Variants in NEMP2 observed in about 807,000 individuals in gnomAD.
NEMP2 encodes the protein UPF0571 transmembrane protein.
A neutral mutation model predicts 54.2 loss-of-function variants in NEMP2; 53 were observed. That is an observed-to-expected ratio of 0.98 (90% confidence interval 0.78 to 1.23). The LOEUF (loss-of-function observed/expected upper bound fraction) is 1.23. NEMP2 is among the 50% of genes most tolerant of loss of function. The pLI is 0.00. For synonymous variants in NEMP2, 197 were observed against 190.3 expected (o/e 1.04, Z -0.29); for missense variants, 455 against 511.3 (o/e 0.89, Z 1.06).
downstream of NEMP2, chr2:190,500,667 T>G (rs958181895): frequency 3.2e-5 from 5 of 154,320 alleles, no homozygotes; most frequent in African/African-American, 1.2e-4. This position sits in a 1 kb window ranked among gnomAD's most constrained non-coding sequence, Gnocchi z 5.3. Flanking sequence ...ACTTTCTTTT[T>G]TCTTGGAGAG....
chr2:190,460,963 A>G, the NEMP2 span, among the ~76,000 whole-genome samples: 1 of 152,198 alleles, frequency 6.6e-6, no homozygotes, highest in Non-Finnish European at 1.5e-5. Flanking sequence ...GAAGCAAACA[A>G]GCACTCTTGT....
chr2:190,500,753 A>G (rs1356027722), downstream of NEMP2: 1 of 152,848 alleles, frequency 6.5e-6, no homozygotes, highest in African/African-American at 2.4e-5. The surrounding 1 kb of genome is among the most constrained non-coding windows in gnomAD (Gnocchi z 5.3). Flanking sequence ...GTTAAAAATA[A>G]AGTTAAAAGT....
chr2:190,481,892 T>C, the NEMP2 span, among the ~76,000 whole-genome samples: 2 of 152,216 alleles, frequency 1.3e-5, no homozygotes, highest in Non-Finnish European at 2.9e-5. Context: ...GTGGAAGGTG[T>C]ATTGCTGTTA....
chr2:190,603,396 G>A, the NEMP2 span, among the ~76,000 whole-genome samples: 1 of 151,808 alleles, frequency 6.6e-6, no homozygotes, highest in Non-Finnish European at 1.5e-5. Flanking sequence ...GGTTGCAAAT[G>A]GGTCAAGGCC....
the NEMP2 span, among the ~76,000 whole-genome samples, chr2:190,432,376 C>A: frequency 6.6e-6 from 1 of 152,176 alleles, no homozygotes; most frequent in African/African-American, 2.4e-5. Context: ...GTTTACAACT[C>A]TGCTTGGTGC....
chr2:190,450,631 T>C, the NEMP2 span, among the ~76,000 whole-genome samples: 3 of 151,288 alleles, frequency 2.0e-5, no homozygotes, highest in African/African-American at 7.3e-5. Context: ...TAGCACAGAC[T>C]ACAGGCATGT....
At chr2:190,470,559 C>G in the NEMP2 span, among the ~76,000 whole-genome samples, 1 of 152,204 alleles carries the variant, frequency 6.6e-6, no homozygotes. Context: ...AATAAAGGTT[C>G]AGGACAAGAT....
chr2:190,467,115 T>G, the NEMP2 span, among the ~76,000 whole-genome samples: 1 of 152,184 alleles, frequency 6.6e-6, no homozygotes, highest in Non-Finnish European at 1.5e-5. The surrounding 1 kb of genome is among the most constrained non-coding windows in gnomAD (Gnocchi z 5.5). Context: ...TTACCAACAT[T>G]GTTTTATGAT....
chr2:190,467,054 G>C, the NEMP2 span, among the ~76,000 whole-genome samples: 2 of 152,220 alleles, frequency 1.3e-5, no homozygotes, highest in Admixed American at 6.5e-5. This position sits in a 1 kb window ranked among gnomAD's most constrained non-coding sequence, Gnocchi z 5.5. Flanking sequence ...TCAGAGGTGG[G>C]CTCAAAAGAC....
At chr2:190,469,838 C>A in the NEMP2 span, 1 of 1,604,566 alleles carries the variant, frequency 6.2e-7, no homozygotes, top group Non-Finnish European at 8.5e-7. The surrounding 1 kb of genome is among the most constrained non-coding windows in gnomAD (Gnocchi z 5.3). Flanking sequence ...ACTGTTCTCC[C>A]CATGGAAGTT....
chr2:190,643,889 T>G, the NEMP2 span, among the ~76,000 whole-genome samples: 2 of 152,156 alleles, frequency 1.3e-5, no homozygotes, highest in Admixed American at 1.3e-4. Flanking sequence ...ATTGTGCCAC[T>G]GTACTCCAGC....
Position 190,509,715 on chromosome 2 carries a change from T to G in NEMP2, c.1131-403A>C, listed in dbSNP as rs550427912. 6.6e-6 allele frequency among the ~76,000 whole-genome samples: 1 copy of G among 152,348 alleles called. No individual in the cohort carries two copies. The highest frequency in any genetic ancestry group is 2.4e-5 in the African/African-American group (1 of 41,580). On this transcript the variant is annotated intron_variant, in intron 8 of 8. Coordinates refer to ENST00000409150, the MANE Select transcript of NEMP2 (RefSeq NM_001142645.2). This position sits in a 1 kb window ranked among gnomAD's most constrained non-coding sequence, Gnocchi z 6.1. Reference sequence around the variant, plus strand: ...AAGAGAAAGCAATAAGGAAAAATTTTGGGACAGACGTCTTTCTTAGTGAAC... The same window carrying G: ...AAGAGAAAGCAATAAGGAAAAATTTGGGGACAGACGTCTTTCTTAGTGAAC...
chr2:190,509,129 A>T lies in NEMP2; in HGVS notation c.*60T>A. ...TAGAACAGTTCTGCCTAACTTTAAT[A>T]GAATCCCTGCCCTTTGCCCACTTCC... is the stretch of plus-strand genomic sequence containing the variant. On this transcript the variant is annotated 3_prime_UTR_variant, in exon 9 of 9. Transcript: ENST00000409150. The surrounding 1 kb of genome is among the most constrained non-coding windows in gnomAD (Gnocchi z 6.1). 6.5e-7 allele frequency: 1 copy of T among 1,540,480 alleles called. No individual in the cohort carries two copies.
the NEMP2 span, among the ~76,000 whole-genome samples, chr2:190,494,262 T>G: frequency 6.6e-6 from 1 of 152,032 alleles, no homozygotes; most frequent in East Asian, 1.9e-4. The surrounding 1 kb of genome is among the most constrained non-coding windows in gnomAD (Gnocchi z 5.7). Context: ...GCAGAGGAGA[T>G]AAATTCCTTG....
chr2:190,505,577 T>C lies in NEMP2; in HGVS notation c.*3612A>G, dbSNP rs1690168256. Reference sequence around the variant, plus strand: ...TGTATCTTCCAAGATTTATATTAGATAAGTATAGTATTCATTTCAAATCTC... The same window carrying C: ...TGTATCTTCCAAGATTTATATTAGACAAGTATAGTATTCATTTCAAATCTC... On this transcript the variant is annotated 3_prime_UTR_variant, in exon 9 of 9. Transcript: ENST00000409150. This position sits in a 1 kb window ranked among gnomAD's most constrained non-coding sequence, Gnocchi z 5.8. 1 of 152,210 alleles carries C rather than the reference T, an allele frequency of 6.6e-6. No homozygotes were observed. The allele number at this position is 152,210 out of a possible 1,614,324, so 9.4% of individuals were successfully genotyped here.
rs1416811534 is a variant in NEMP2, at chr2:190,512,931, G to A, written c.953+1522C>T. Among the ~76,000 whole-genome samples the A allele has an allele frequency of 6.6e-6, 1 of 152,146 alleles. No homozygotes were observed. The highest frequency in any genetic ancestry group is 1.9e-4 in the East Asian group (1 of 5,200). On this transcript the variant is annotated intron_variant, in intron 7 of 8. Coordinates refer to ENST00000409150, the MANE Select transcript of NEMP2 (RefSeq NM_001142645.2). The surrounding 1 kb of genome is among the most constrained non-coding windows in gnomAD (Gnocchi z 4.5). ...TTGCCACACACACACACAGTCACCA[G>A]TTCCATAAACTACCAGTCACCATAG... is the stretch of plus-strand genomic sequence containing the variant.
At chr2:190,634,532 G>T in the NEMP2 span, among the ~76,000 whole-genome samples, 1 of 152,138 alleles carries the variant, frequency 6.6e-6, no homozygotes, top group Non-Finnish European at 1.5e-5. This position sits in a 1 kb window ranked among gnomAD's most constrained non-coding sequence, Gnocchi z 6.8. Context: ...TTTGCGTAAT[G>T]AACATAATTA....
the NEMP2 span, among the ~76,000 whole-genome samples, chr2:190,621,979 C>A: frequency 6.6e-6 from 1 of 152,080 alleles, no homozygotes; most frequent in African/African-American, 2.4e-5. Context: ...GGGTGGCATT[C>A]ACCTGTAGTC....
the NEMP2 span, among the ~76,000 whole-genome samples, chr2:190,476,444 C>G: frequency 6.6e-6 from 1 of 152,260 alleles, no homozygotes; most frequent in South Asian, 2.1e-4. Context: ...CCAACAGACA[C>G]ATGAAAAAAT....
Sources: gnomAD v4.1 joint callset for allele counts (sites outside exome capture counted in the v4.1 genomes callset) on GRCh38, gnomAD v4.1.1 for gene constraint, Gnocchi (gnomAD v3.1) non-coding constraint, MANE v1.5 for transcripts, NCBI Gene and HGNC (gene_info 2026-07-23, HGNC 2026-07-21) for gene names.